Variants in OTUD4 observed in about 807,000 individuals in gnomAD.
The protein encoded by OTUD4 is OTU domain-containing protein 4.
In OTUD4, 24 loss-of-function variants were observed where a neutral mutation model predicts 130.4. That is an observed-to-expected ratio of 0.18 (90% CI 0.13 to 0.26). The LOEUF is 0.26. Among genes scored for constraint, OTUD4 ranks in the 10% least tolerant of loss-of-function variants. The probability of loss-of-function intolerance (pLI) is 1.00; values close to 1 mark genes in which losing one functional copy is unlikely to be tolerated. For missense variants in OTUD4, 1,031 were observed against 1,329.4 expected (o/e 0.78, Z 3.49); for synonymous variants, 420 against 472.5 (o/e 0.89, Z 1.44).
chr4:145,170,430 C>T (rs941789332), intron 3 of OTUD4, among the ~76,000 whole-genome samples: 1 of 152,222 alleles, frequency 6.6e-6, no homozygotes, highest in Non-Finnish European at 1.5e-5. Flanking sequence ...GCCCTTCAGC[C>T]CAGGCATTTC....
At chr4:145,159,017 A>G (rs1751428669) in intron 7 of OTUD4, 1 of 243,938 alleles carries the variant, frequency 4.1e-6, no homozygotes, top group African/African-American at 2.3e-5. Flanking sequence ...ACGTTCAGAC[A>G]TATTTACTCA....
At chr4:145,164,909 T>G (rs565098383) in intron 4 of OTUD4, among the ~76,000 whole-genome samples, 8 of 152,252 alleles carry the variant, frequency 5.3e-5, no homozygotes, top group African/African-American at 1.9e-4. Context: ...ATAAGTGATA[T>G]CTTACAGAAC....
Position 145,144,032 on chromosome 4 carries a change from A to G in OTUD4, c.1547-31T>C, listed in dbSNP as rs764555890. The G allele has an allele frequency of 3.2e-6, 5 of 1,539,790 alleles. No individual in the cohort carries two copies. In the South Asian group the frequency reaches 4.5e-5, roughly 14 times the overall value. ...GCAGATCAAGATTAAAAAAGACAGC[A>G]TAAGCCACCAGTCATGTCTGAACAC... On this transcript the variant is annotated intron_variant, in intron 15 of 20. Transcript: ENST00000447906.
intron 13 of OTUD4, among the ~76,000 whole-genome samples, chr4:145,148,324 A>AC (rs990047604): frequency 4.1e-4 from 63 of 152,202 alleles, no homozygotes; most frequent in African/African-American, 1.5e-3. Context: ...ACATGGTAAG[A>AC]CCCCGTCTTT....
At position 145,155,679 on chromosome 4, in the gene OTUD4, T is replaced by C. The variant is rs921900229; in HGVS notation, c.698A>G (p.Lys233Arg). The change falls in exon 9 of 21, where the codon AAG becomes AGG. Residue 233 changes from lysine (K) to arginine (R), a missense_variant. Lys to Arg is a conservative substitution (Grantham distance 26, BLOSUM62 2). This residue lies in a region of OTUD4 where 900 missense variants were observed against 1,095.9 expected (regional missense o/e 0.82). Coordinates refer to ENST00000447906, the MANE Select transcript of OTUD4 (RefSeq NM_001366057.1). ...FKPLSGNEQL[K>R]NNGNSTSLPL... ...CAGGCTAGTAGAGTTCCCATTGTTC[T>C]TCAGCTGCTAAACAAAGTCAGGAAG... The C allele has an allele frequency of 1.3e-6, 2 of 1,594,084 alleles. No individual in the cohort carries two copies. The highest frequency in any genetic ancestry group is 8.6e-7 in the Non-Finnish European group (1 of 1,169,584).
At chr4:145,150,954 T>C (rs776600547) in intron 11 of OTUD4, 49 bp from the exon 12 acceptor site, 5 of 1,103,368 alleles carry the variant, frequency 4.5e-6, no homozygotes, top group Non-Finnish European at 6.6e-6. Flanking sequence ...CTAGTAAGAA[T>C]AGTTAAATAT....
At chr4:145,164,860 G>A (rs1391811457) in intron 4 of OTUD4, among the ~76,000 whole-genome samples, 1 of 152,026 alleles carries the variant, frequency 6.6e-6, no homozygotes, top group Admixed American at 6.5e-5. Context: ...CAATACCACT[G>A]ACCCTGAGAA....
chr4:145,143,806 C>T, intron 16 of OTUD4, 140 bp downstream of exon 16: 1 of 651,440 alleles, frequency 1.5e-6, no homozygotes. Context: ...CAATCCCCAT[C>T]ATCTTTTCCC....
At chr4:145,168,413 TAAA>T (rs11432018) in intron 3 of OTUD4, among the ~76,000 whole-genome samples, 2 of 122,874 alleles carry the variant, frequency 1.6e-5, no homozygotes, top group Non-Finnish European at 3.3e-5. Context: ...AATAAAAAAT[TAAA>T]AAAAAAAAAA....
At chr4:145,158,418 C>T (rs942183401) in intron 7 of OTUD4, among the ~76,000 whole-genome samples, 2 of 151,596 alleles carry the variant, frequency 1.3e-5, no homozygotes, top group African/African-American at 4.8e-5. Flanking sequence ...GAAGGCAGAG[C>T]TTGCAGTAAG....
At chr4:145,162,592 A>T (rs776881432) in intron 6 of OTUD4, 48 bp downstream of exon 6, 1 of 958,912 alleles carries the variant, frequency 1.0e-6, no homozygotes, top group Non-Finnish European at 1.6e-6. Context: ...AAAAGACTGT[A>T]TAAGTTTAGG....
At chr4:145,171,847 T>C (rs1752184965) in intron 2 of OTUD4, 127 bp from the exon 3 acceptor site, 2 of 644,992 alleles carry the variant, frequency 3.1e-6, no homozygotes, top group African/African-American at 1.9e-5. Context: ...CTCAGTATTA[T>C]TTAAAAATAT....
At chr4:145,156,039 T>C in intron 7 of OTUD4, 43 bp from the exon 8 acceptor site, 4 of 1,490,506 alleles carry the variant, frequency 2.7e-6, no homozygotes, top group South Asian at 2.4e-5. Context: ...AAAAGGTATT[T>C]GCACGTAATT....
chr4:145,138,608 G>A lies in OTUD4; in HGVS notation c.2167C>T (p.Pro723Ser). ...GCTGCCAGGTAGGCCTGGTGCAGAG[G>A]GTACAGGTAAGAATGTGGGGCCCAC... is the stretch of plus-strand genomic sequence containing the variant. ...PMWAPHSYLY[P>S]LHQAYLAACR... is the part of the protein sequence containing the mutation. The change falls in exon 21 of 21, where the codon CCT becomes TCT. Residue 723 changes from proline to serine, a missense_variant. Physicochemically the swap from Pro to Ser is moderately conservative, Grantham distance 74 (BLOSUM62 -1). Coordinates refer to ENST00000447906, the MANE Select transcript of OTUD4 (RefSeq NM_001366057.1). 1 of 1,613,562 alleles carries A rather than the reference G, an allele frequency of 6.2e-7. No individual in the cohort carries two copies. The highest frequency in any genetic ancestry group is 8.5e-7 in the Non-Finnish European group (1 of 1,179,648).
chr4:145,159,374 T>A, intron 7 of OTUD4, 129 bp downstream of exon 7: 1 of 1,527,134 alleles, frequency 6.5e-7, no homozygotes, highest in Non-Finnish European at 8.7e-7. Flanking sequence ...TTCAGCAGAC[T>A]GCTGTATTTT....
chr4:145,152,860 A>G (rs1751127665), intron 10 of OTUD4, among the ~76,000 whole-genome samples: 1 of 151,604 alleles, frequency 6.6e-6, no homozygotes, highest in Non-Finnish European at 1.5e-5. Flanking sequence ...AGCTGGGATC[A>G]CAGGTGTGTG....
At chr4:145,141,906 T>A (rs1750584372) in intron 18 of OTUD4, among the ~76,000 whole-genome samples, 2 of 152,152 alleles carry the variant, frequency 1.3e-5, no homozygotes, top group Admixed American at 6.5e-5. Context: ...CATAAAGAGC[T>A]GGCCCATGAA....
intron 1 of OTUD4, among the ~76,000 whole-genome samples, chr4:145,175,122 GAA>G (rs1472245568): frequency 5.3e-5 from 8 of 152,148 alleles, no homozygotes; most frequent in Middle Eastern, 6.3e-3. Flanking sequence ...TATACATATT[GAA>G]AAAGACAAAC....
intron 6 of OTUD4, among the ~76,000 whole-genome samples, chr4:145,161,323 G>A (rs928573562): frequency 1.3e-5 from 2 of 152,178 alleles, no homozygotes; most frequent in Non-Finnish European, 2.9e-5. Flanking sequence ...TGTCCAGATT[G>A]TGACTAGCTA....
Sources: gnomAD v4.1 joint callset for allele counts (sites outside exome capture counted in the v4.1 genomes callset) on GRCh38, gnomAD v4.1.1 for gene constraint, gnomAD v4.1.1 regional missense constraint, MANE v1.5 for transcripts, NCBI Gene and HGNC (gene_info 2026-07-23, HGNC 2026-07-21) for gene names.